Variants in ATF1 observed in about 807,000 individuals in gnomAD.
ATF1 encodes activating transcription factor 1.
A neutral mutation model predicts 34.7 loss-of-function variants in ATF1; 16 were observed. The ratio of observed to expected loss-of-function variants is 0.46; its 90% CI spans 0.31 to 0.70. The LOEUF is 0.70. ATF1 is among the 30% of genes least tolerant of loss of function. ATF1 has a pLI of 0.05. For missense variants in ATF1, 255 were observed against 321.6 expected, an observed-to-expected ratio of 0.79 and a Z score of 1.58; for synonymous variants, 105 against 113.1, an observed-to-expected ratio of 0.93 and a Z score of 0.46.
At chr12:50,815,836 A>G (rs1169424286) in intron 6 of ATF1, among the ~76,000 whole-genome samples, 1 of 152,252 alleles carries the variant, frequency 6.6e-6, no homozygotes, top group African/African-American at 2.4e-5. Flanking sequence ...TTGCAGCACT[A>G]TTCACGCACA....
chr12:50,800,934 T>C (rs1941499923), intron 3 of ATF1, among the ~76,000 whole-genome samples: 3 of 152,166 alleles, frequency 2.0e-5, no homozygotes, highest in Admixed American at 2.0e-4. Context: ...ACCCCGTCTC[T>C]ATTACAAAGA....
intron 6 of ATF1, 53 bp downstream of exon 6, chr12:50,814,492 A>G: frequency 1.3e-6 from 2 of 1,553,506 alleles, no homozygotes; most frequent in Admixed American, 3.4e-5. Flanking sequence ...CAAATCTCAC[A>G]ACATAACCAG....
rs1940567283 is a variant in ATF1, at chr12:50,764,305, C to T, written c.-9C>T. On this transcript the variant is annotated splice_region_variant and 5_prime_UTR_variant, in exon 1 of 7. Coordinates refer to ENST00000262053, the MANE Select transcript of ATF1 (RefSeq NM_005171.5). Reference sequence around the variant, plus strand: ...CCGGAGAGCGGCGAGGCGGCAGCCACAGGTAAGTGGGGGGCGGGGAGGGAC... The same window carrying T: ...CCGGAGAGCGGCGAGGCGGCAGCCATAGGTAAGTGGGGGGCGGGGAGGGAC... The T allele has an allele frequency of 6.6e-6, 1 of 151,944 alleles. No homozygotes were observed. The highest frequency in any genetic ancestry group is 1.5e-5 in the Non-Finnish European group (1 of 67,960). 9.4% of individuals were successfully genotyped at this position (151,944 alleles called of 1,614,324 possible).
At chr12:50,769,228 G>C (rs982771669) in intron 1 of ATF1, among the ~76,000 whole-genome samples, 4 of 152,168 alleles carry the variant, frequency 2.6e-5, no homozygotes, top group Non-Finnish European at 4.4e-5. Context: ...AAGTTGGCCG[G>C]GCACAGTGGC....
intron 3 of ATF1, among the ~76,000 whole-genome samples, chr12:50,797,148 A>G (rs2139672967): frequency 6.6e-6 from 1 of 152,324 alleles, no homozygotes; most frequent in East Asian, 1.9e-4. Flanking sequence ...AGTACACAAC[A>G]TACATAGATA....
chr12:50,812,035 G>A (rs1213825996), intron 4 of ATF1, among the ~76,000 whole-genome samples: 1 of 152,166 alleles, frequency 6.6e-6, no homozygotes, highest in Admixed American at 6.5e-5. Flanking sequence ...AATATGGCTG[G>A]TGGGACTGAG....
chr12:50,814,106 C>T lies in ATF1; in HGVS notation c.425C>T (p.Thr142Ile), dbSNP rs781155610. ...QTLTMTNSGS[T>I]QQGTTILQYA... ...TTAACCATGACAAATTCAGGCAGTA[C>T]TCAGCAAGGTACAACTATTCTTCAG... The change falls in exon 5 of 7, where the codon ACT becomes ATT. Residue 142 changes from threonine to isoleucine, a missense_variant. This residue lies in a region of ATF1 where 221 missense variants were observed against 250.7 expected (regional missense o/e 0.88). Transcript: ENST00000262053. The T allele has an allele frequency of 1.8e-5, 29 of 1,614,072 alleles. No individual in the cohort carries two copies. The highest frequency in any genetic ancestry group is 1.2e-4 in the African/African-American group (9 of 74,916).
At chr12:50,767,475 G>A (rs1286673899) in intron 1 of ATF1, among the ~76,000 whole-genome samples, 1 of 152,190 alleles carries the variant, frequency 6.6e-6, no homozygotes, top group Non-Finnish European at 1.5e-5. Flanking sequence ...AGCCGAGATC[G>A]TGCCACTGCA....
At chr12:50,782,125 T>G (rs1246241747) in intron 2 of ATF1, among the ~76,000 whole-genome samples, 1 of 152,196 alleles carries the variant, frequency 6.6e-6, no homozygotes, top group Non-Finnish European at 1.5e-5. Flanking sequence ...CTTTTCTAAT[T>G]GCATATCTAT....
intron 3 of ATF1, among the ~76,000 whole-genome samples, chr12:50,803,014 A>C (rs1326982181): frequency 6.6e-6 from 1 of 151,850 alleles, no homozygotes. Flanking sequence ...TAATCCCAGC[A>C]CTTTGGGAGG....
At chr12:50,792,944 G>A (rs910344934) in intron 2 of ATF1, among the ~76,000 whole-genome samples, 2 of 151,864 alleles carry the variant, frequency 1.3e-5, no homozygotes, top group African/African-American at 2.4e-5. Context: ...ACAAAAGTAC[G>A]AAAGAAAGAG....
chr12:50,798,588 C>T (rs866015123), intron 3 of ATF1, among the ~76,000 whole-genome samples: 11 of 152,054 alleles, frequency 7.2e-5, no homozygotes, highest in Non-Finnish European at 7.4e-5. Context: ...GGATTACAGG[C>T]GTGAGTCACC....
rs556579718 is a variant in ATF1, at chr12:50,791,335, C to T, written c.94-4574C>T. ...CTTTGGGAGGCGGAGGTGGGCGGAT[C>T]ACCTGAGGTCAGGAGTTCGAGACCA... On this transcript the variant is annotated intron_variant, in intron 2 of 6. Coordinates refer to ENST00000262053, the MANE Select transcript of ATF1 (RefSeq NM_005171.5). Among the ~76,000 whole-genome samples the T allele has an allele frequency of 5.9e-5, 9 of 152,246 alleles. No individual in the cohort carries two copies. In the East Asian group the frequency reaches 1.7e-3, roughly 29 times the overall value.
At chr12:50,776,251 G>T (rs1940919619) in intron 1 of ATF1, among the ~76,000 whole-genome samples, 1 of 150,918 alleles carries the variant, frequency 6.6e-6, no homozygotes, top group Non-Finnish European at 1.5e-5. Context: ...GGGAGGTGGA[G>T]CTTGCAGTGA....
chr12:50,813,909 C>A, intron 4 of ATF1, 101 bp from the exon 5 acceptor site: 1 of 1,153,756 alleles, frequency 8.7e-7, no homozygotes, highest in Non-Finnish European at 1.2e-6. Context: ...GAAGTGCATT[C>A]ATACCTGTTT....
chr12:50,818,121 G>T lies in ATF1; in HGVS notation c.672-1514G>T, dbSNP rs537080099. Among the ~76,000 whole-genome samples the T allele has an allele frequency of 3.3e-5, 5 of 152,094 alleles. No individual in the cohort carries two copies. In the South Asian group the frequency reaches 6.2e-4, roughly 19 times the overall value. On this transcript the variant is annotated intron_variant, in intron 6 of 6. Coordinates refer to ENST00000262053, the MANE Select transcript of ATF1 (RefSeq NM_005171.5). ...TTGACTTTAAGTGAATATAGCTTGTGATCCTTCAAGAAATACATGTGTAGA... is the reference window on the plus strand; with the variant it reads ...TTGACTTTAAGTGAATATAGCTTGTTATCCTTCAAGAAATACATGTGTAGA...
At chr12:50,775,050 T>C (rs1940880170) in intron 1 of ATF1, among the ~76,000 whole-genome samples, 1 of 151,970 alleles carries the variant, frequency 6.6e-6, no homozygotes, top group African/African-American at 2.4e-5. Context: ...GGCCAAGAGC[T>C]TTATTTGATA....
At chr12:50,789,448 T>C (rs1356922277) in intron 2 of ATF1, among the ~76,000 whole-genome samples, 2 of 152,088 alleles carry the variant, frequency 1.3e-5, no homozygotes, top group African/African-American at 2.4e-5. Context: ...ATAATGTAAG[T>C]GAACCAGTGG....
rs558769803 is a variant in ATF1, at chr12:50,787,841, A to G, written c.93+7603A>G. Reference sequence around the variant, plus strand: ...TCAGTGAACTTGAAGATAGGTCAGTAGAAATTACCCACAACGAAAACAGAG... The same window carrying G: ...TCAGTGAACTTGAAGATAGGTCAGTGGAAATTACCCACAACGAAAACAGAG... On this transcript the variant is annotated intron_variant, in intron 2 of 6. Coordinates refer to ENST00000262053, the MANE Select transcript of ATF1 (RefSeq NM_005171.5). 1.3e-5 allele frequency among the ~76,000 whole-genome samples: 2 copies of G among 152,250 alleles called. 1 individual carries two copies. The highest frequency in any genetic ancestry group is 4.1e-4 in the South Asian group (2 of 4,836).
Sources: allele counts gnomAD v4.1 joint callset (sites outside exome capture counted in the v4.1 genomes callset), GRCh38; gene constraint gnomAD v4.1.1; regional missense constraint gnomAD v4.1.1; transcripts MANE v1.5; gene names NCBI Gene and HGNC (gene_info 2026-07-23, HGNC 2026-07-21).